Variants in SLC16A3 observed in about 807,000 individuals in gnomAD.
SLC16A3 encodes solute carrier family 16 member 3.
In SLC16A3, 22 loss-of-function variants were observed where a neutral mutation model predicts 25.0. The ratio of observed to expected loss-of-function variants is 0.88; its 90% CI spans 0.63 to 1.26. The LOEUF is 1.26. Ranked by LOEUF, SLC16A3 falls within the 50% of genes most tolerant of loss-of-function variation. The probability of loss-of-function intolerance (pLI) is 0.00; values close to 1 mark genes in which losing one functional copy is unlikely to be tolerated. For synonymous variants in SLC16A3, 390 were observed against 309.2 expected (o/e 1.26, Z -2.74); for missense variants, 731 against 666.6 (o/e 1.10, Z -1.06).
In SLC16A3 at chr17:82,237,295, C is replaced by A. The variant is rs2050627919; in HGVS notation, c.525C>A (p.Gly175=). The A allele has an allele frequency of 1.3e-6, 2 of 1,557,772 alleles. No homozygotes were observed. Among genetic ancestry groups the A allele is most frequent in the East Asian group, 2.4e-5 (1 of 41,726 alleles). ...PLGQLLQDRY[G]WRGGFLILGG... ...GGCAGCTGCTGCAGGACCGCTACGG[C>A]TGGCGGGGCGGCTTCCTCATCCTGG... The change falls in exon 4 of 5, where the codon GGC becomes GGA. Residue 175 remains glycine (G), a synonymous_variant. Coordinates refer to ENST00000582743, the MANE Select transcript of SLC16A3 (RefSeq NM_004207.4).
chr17:82,228,941 G>T, upstream of SLC16A3: 1 of 149,212 alleles, frequency 6.7e-6, no homozygotes, highest in South Asian at 1.9e-4. Context: ...CGCGGGGTCC[G>T]GGCGGGGCGC....
At chr17:82,220,248 C>T (rs927352194) in intron 1 of SLC16A3, among the ~76,000 whole-genome samples, 1 of 152,172 alleles carries the variant, frequency 6.6e-6, no homozygotes, top group Non-Finnish European at 1.5e-5. Flanking sequence ...CCCAGGAGAG[C>T]TGCCTCCTGC....
chr17:82,227,738 C>G (rs1384593575), upstream of SLC16A3, among the ~76,000 whole-genome samples: 2 of 152,134 alleles, frequency 1.3e-5, no homozygotes, highest in African/African-American at 4.8e-5. Flanking sequence ...GGCCCCCTCA[C>G]CACTTGCCAC....
chr17:82,229,389 GC>G (rs2050458334), intron 1 of SLC16A3: 1 of 152,192 alleles, frequency 6.6e-6, no homozygotes, highest in Non-Finnish European at 1.5e-5. Flanking sequence ...GCCCTCAGGG[GC>G]TGGGCTCGGG....
chr17:82,228,361 G>A (rs1198268181), upstream of SLC16A3: 1 of 152,230 alleles, frequency 6.6e-6, no homozygotes, highest in Non-Finnish European at 1.5e-5. Flanking sequence ...CAGGGGCGCA[G>A]GGCTGGAGTC....
upstream of SLC16A3, among the ~76,000 whole-genome samples, chr17:82,226,249 G>A (rs773006150): frequency 6.6e-5 from 10 of 152,094 alleles, no homozygotes; most frequent in South Asian, 2.1e-4. Flanking sequence ...AGAGGGGGGC[G>A]TCCTGTGAAG....
rs2147128245 is a variant in SLC16A3, at chr17:82,236,193, G to C, written c.185G>C (p.Trp62Ser). Residue 62 changes from tryptophan (W) to serine (S), a missense_variant, in exon 2 of 5, where the codon TGG becomes TCG. Physicochemically the swap from Trp to Ser is radical, Grantham distance 177 (BLOSUM62 -3). Coordinates refer to ENST00000582743, the MANE Select transcript of SLC16A3 (RefSeq NM_004207.4). ...GGGATCGGCTACAGCGACACAGCCT[G>C]GATCTCCTCCATCCTGCTGGCCATG... ...EFGIGYSDTA[W>S]ISSILLAMLY... 2 of 1,613,044 alleles carry C rather than the reference G, an allele frequency of 1.2e-6. No individual in the cohort carries two copies. The highest frequency in any genetic ancestry group is 1.7e-6 in the Non-Finnish European group (2 of 1,179,970).
chr17:82,238,564 C>G, intron 4 of SLC16A3, 138 bp from the exon 5 acceptor site: 1 of 803,344 alleles, frequency 1.2e-6, no homozygotes, highest in South Asian at 2.4e-5. Flanking sequence ...GGGGAGAGAA[C>G]ACCTCCCAGC....
intron 1 of SLC16A3, among the ~76,000 whole-genome samples, chr17:82,232,912 G>GGGC (rs1209087031): frequency 1.4e-5 from 2 of 146,656 alleles, no homozygotes; most frequent in East Asian, 2.2e-4. Flanking sequence ...GCTTCCTGGG[G>GGGC]GGCGGCGGGG....
intron 1 of SLC16A3, chr17:82,231,887 GC>G (rs2050501549): frequency 6.6e-6 from 1 of 152,220 alleles, no homozygotes; most frequent in South Asian, 2.1e-4. Context: ...GGGGCGCAGG[GC>G]CCAGGCCTGG....
At position 82,236,745 on chromosome 17, in the gene SLC16A3, G is replaced by A. The variant is rs776122401; in HGVS notation, c.240G>A (p.Val80=). The A allele has an allele frequency of 1.2e-6, 2 of 1,607,498 alleles. No homozygotes were observed. Among genetic ancestry groups the A allele is most frequent in the South Asian group, 2.2e-5 (2 of 91,076 alleles). The change falls in exon 3 of 5, where the codon GTG becomes GTA. Residue 80 remains valine, a synonymous_variant. Transcript: ENST00000582743. ...CCTCTCCAGGTCCGCTCTGCAGTGT[G>A]TGCGTGAACCGCTTTGGCTGCCGGC... is the stretch of plus-strand genomic sequence containing the variant. The part of the protein sequence containing the change: ...MLYGTGPLCS[V]CVNRFGCRPV...
Position 82,237,213 on chromosome 17 carries a change from C to T in SLC16A3, c.443C>T (p.Ala148Val). The T allele has an allele frequency of 6.5e-7, 1 of 1,543,466 alleles. No homozygotes were observed. Among genetic ancestry groups the T allele is most frequent in the Non-Finnish European group, 8.7e-7 (1 of 1,144,228 alleles). The change falls in exon 4 of 5, where the codon GCC becomes GTC. Residue 148 changes from alanine (A) to valine (V), a missense_variant. By Grantham distance (64) the Ala-to-Val change is moderately conservative. Transcript: ENST00000582743. ...TACTTCAGCAAGCGGCGCCCCATGG[C>T]CAACGGGCTGGCGGCAGCAGGTAGC... ...NRYFSKRRPM[A>V]NGLAAAGSPV...
upstream of SLC16A3, among the ~76,000 whole-genome samples, chr17:82,227,455 T>C (rs907105584): frequency 4.0e-5 from 6 of 151,776 alleles, no homozygotes; most frequent in African/African-American, 1.5e-4. Flanking sequence ...TACCCTCGCC[T>C]CCCCGGCAGG....
In SLC16A3 at chr17:82,229,063, C is replaced by G. The variant is rs1029310703; in HGVS notation, c.-70C>G. The G allele has an allele frequency of 2.1e-4, 3 of 14,382 alleles. No homozygotes were observed. Among genetic ancestry groups the G allele is most frequent in the Admixed American group, 9.4e-4 (1 of 1,066 alleles). The allele number at this position is 14,382 out of a possible 1,614,324, so 0.9% of individuals were successfully genotyped here. A position where few individuals can be genotyped will look rare whatever the true frequency, so the allele number is the denominator to read the frequency against. On this transcript the variant is annotated 5_prime_UTR_variant, in exon 1 of 5. Coordinates refer to ENST00000582743, the MANE Select transcript of SLC16A3 (RefSeq NM_004207.4). The stretch of plus-strand genomic sequence containing the variant: ...GACCGGCAGAGGCGGGCAGAGGCGG[C>G]GAGAGGCGGCGAGAGGCGGGCTGAG...
chr17:82,235,413 CCCG>C (rs1399643993), intron 1 of SLC16A3: 1 of 158,624 alleles, frequency 6.3e-6, no homozygotes, highest in Non-Finnish European at 1.4e-5. Flanking sequence ...CCAGAGACTG[CCCG>C]CCTCCTCTTG....
rs780697122 is a variant in SLC16A3 at position 82,237,744 on chromosome 17, G to T, written c.974G>T (p.Cys325Phe). 6.2e-7 allele frequency: 1 copy of T among 1,611,932 alleles called. No individual in the cohort carries two copies. The highest frequency in any genetic ancestry group is 8.5e-7 in the Non-Finnish European group (1 of 1,179,964). Residue 325 changes from cysteine (C) to phenylalanine (F), a missense_variant, in exon 4 of 5, where the codon TGC becomes TTC. Cys to Phe is a radical substitution (Grantham distance 205, BLOSUM62 -2). Transcript: ENST00000582743. ...GACTACGGCGGCCTCGTGGTCTTCT[G>T]CATCTTCTTTGGCATCTCCTACGGC... ...AGDYGGLVVF[C>F]IFFGISYGMV... is the part of the protein sequence containing the mutation.
upstream of SLC16A3, among the ~76,000 whole-genome samples, chr17:82,225,593 C>A (rs1402538162): frequency 4.6e-5 from 7 of 152,216 alleles, no homozygotes; most frequent in Non-Finnish European, 1.5e-5. Flanking sequence ...CCCAGGGAGG[C>A]GGGGCTGTGG....
At chr17:82,238,172 G>C (rs1030233335) in intron 4 of SLC16A3, among the ~76,000 whole-genome samples, 13 of 152,192 alleles carry the variant, frequency 8.5e-5, no homozygotes, top group Non-Finnish European at 1.5e-4. Flanking sequence ...TGGGCACCAC[G>C]CGGCAGCTCC....
upstream of SLC16A3, chr17:82,229,026 C>T (rs1310838372): frequency 7.0e-6 from 1 of 143,798 alleles, no homozygotes; most frequent in Non-Finnish European, 1.5e-5. Context: ...AAGTCGCCCC[C>T]GGCGCGGAGC....
Sources: gnomAD v4.1 joint callset for allele counts (sites outside exome capture counted in the v4.1 genomes callset) on GRCh38, gnomAD v4.1.1 for gene constraint, MANE v1.5 for transcripts, NCBI Gene and HGNC (gene_info 2026-07-23, HGNC 2026-07-21) for gene names.